The following NEGR1 variants were observed in gnomAD, a reference collection of about 807,000 sequenced individuals.
NEGR1 encodes IgLON family member 4.
NEGR1 carries 10 observed loss-of-function variants against 40.9 expected under a neutral mutation model. The observed-to-expected ratio is 0.24, with a 90% CI of 0.15 to 0.42. NEGR1 has a LOEUF of 0.42. NEGR1 is among the 10% of genes least tolerant of loss of function. The pLI is 1.00. For synonymous variants in NEGR1, 185 were observed against 166.8 expected (o/e 1.11, Z -0.84); for missense variants, 352 against 438.9 (o/e 0.80, Z 1.77).
intron 1 of NEGR1, among the ~76,000 whole-genome samples, chr1:71,971,692 T>C (rs996624490): frequency 6.6e-6 from 1 of 152,242 alleles, no homozygotes; most frequent in Admixed American, 6.5e-5. Context: ...CATGCCACAT[T>C]CCACAATATT....
intron 5 of NEGR1, among the ~76,000 whole-genome samples, chr1:71,609,921 G>T (rs554360326): frequency 7.9e-5 from 12 of 152,304 alleles, no homozygotes; most frequent in African/African-American, 2.9e-4. Flanking sequence ...GTGATAGTGA[G>T]TGAGTTCTCA....
chr1:71,776,882 T>C (rs544118255), intron 2 of NEGR1, among the ~76,000 whole-genome samples: 6 of 152,184 alleles, frequency 3.9e-5, no homozygotes, highest in Non-Finnish European at 7.4e-5. Context: ...CTATGAAAGG[T>C]GGATACAATA....
chr1:72,268,860 C>G (rs190657434), intron 1 of NEGR1, among the ~76,000 whole-genome samples: 1 of 150,916 alleles, frequency 6.6e-6, no homozygotes, highest in Non-Finnish European at 1.5e-5. Context: ...TTTAAGAACG[C>G]GAAGAAGGAG....
chr1:71,925,334 C>T (rs189977534), intron 2 of NEGR1, among the ~76,000 whole-genome samples: 60 of 152,350 alleles, frequency 3.9e-4, no homozygotes, highest in Non-Finnish European at 2.9e-4. Context: ...AGAAAACTGA[C>T]AACTTAGTGC....
chr1:71,529,947 C>A (rs1234741450), intron 6 of NEGR1, among the ~76,000 whole-genome samples: 3 of 151,062 alleles, frequency 2.0e-5, no homozygotes, highest in African/African-American at 7.3e-5. Context: ...TCTGACTTGT[C>A]AAGAATATAT....
At chr1:72,234,714 T>C (rs978809053) in intron 1 of NEGR1, among the ~76,000 whole-genome samples, 3 of 152,002 alleles carry the variant, frequency 2.0e-5, no homozygotes, top group African/African-American at 7.2e-5. Flanking sequence ...ATTAGAGAAA[T>C]GCAAACCAAA....
intron 1 of NEGR1, among the ~76,000 whole-genome samples, chr1:71,979,007 T>C (rs2801320): frequency 0.28 from 41,954 of 151,872 alleles, 6,195 homozygotes; most frequent in African/African-American, 0.38. Flanking sequence ...ATATACACTA[T>C]AAAATACTAA....
At chr1:72,076,418 A>C (rs1488519259) in intron 1 of NEGR1, among the ~76,000 whole-genome samples, 1 of 152,078 alleles carries the variant, frequency 6.6e-6, no homozygotes, top group Non-Finnish European at 1.5e-5. Context: ...AACTATGATA[A>C]ATACATTTCT....
chr1:71,811,593 A>G (rs1459760856), intron 2 of NEGR1, among the ~76,000 whole-genome samples: 1 of 150,920 alleles, frequency 6.6e-6, no homozygotes, highest in African/African-American at 2.4e-5. Context: ...TAATTTACTT[A>G]TAAGTAAGTA....
intron 4 of NEGR1, among the ~76,000 whole-genome samples, chr1:71,668,193 A>T (rs1652303389): frequency 6.6e-6 from 1 of 152,144 alleles, no homozygotes; most frequent in South Asian, 2.1e-4. Flanking sequence ...TCAGTTTATC[A>T]CAGAGGTTCA....
intron 2 of NEGR1, among the ~76,000 whole-genome samples, chr1:71,912,333 G>C (rs1661440979): frequency 6.6e-6 from 1 of 152,000 alleles, no homozygotes; most frequent in African/African-American, 2.4e-5. Flanking sequence ...ACTCTGATCT[G>C]TTTTTCTATA....
At chr1:72,126,826 C>A (rs1433691458) in intron 1 of NEGR1, among the ~76,000 whole-genome samples, 4 of 152,176 alleles carry the variant, frequency 2.6e-5, no homozygotes, top group Non-Finnish European at 4.4e-5. Context: ...TCCCAAAAGG[C>A]CCAGAGGATG....
At chr1:71,495,478 GAAAAA>G (rs59058061) in intron 6 of NEGR1, among the ~76,000 whole-genome samples, 3 of 135,992 alleles carry the variant, frequency 2.2e-5, no homozygotes, top group Non-Finnish European at 4.7e-5. Flanking sequence ...CTCCATCTCG[GAAAAA>G]AAAAAAAAAA....
chr1:72,205,615 T>C (rs1026759474), intron 1 of NEGR1, among the ~76,000 whole-genome samples: 1 of 149,362 alleles, frequency 6.7e-6, no homozygotes, highest in Non-Finnish European at 1.5e-5. Flanking sequence ...TAATTTTTGT[T>C]AACTAAAAAA....
chr1:71,609,502 A>G (rs1480300166), intron 5 of NEGR1, among the ~76,000 whole-genome samples: 5 of 129,692 alleles, frequency 3.9e-5, no homozygotes, highest in East Asian at 2.4e-4. Context: ...GCGACAAACC[A>G]AGACTCCGTC....
chr1:71,967,769 T>C (rs939668267), intron 1 of NEGR1, among the ~76,000 whole-genome samples: 1 of 152,170 alleles, frequency 6.6e-6, no homozygotes, highest in Non-Finnish European at 1.5e-5. Flanking sequence ...AGCACTACCT[T>C]TCTTCATAGA....
chr1:72,002,179 A>G (rs1164366682), intron 1 of NEGR1, among the ~76,000 whole-genome samples: 1 of 152,078 alleles, frequency 6.6e-6, no homozygotes, highest in African/African-American at 2.4e-5. Context: ...ACTTAAACTC[A>G]TTTCCTTCCT....
At chr1:71,998,744 A>T (rs1441940263) in intron 1 of NEGR1, among the ~76,000 whole-genome samples, 1 of 151,262 alleles carries the variant, frequency 6.6e-6, no homozygotes, top group Non-Finnish European at 1.5e-5. Flanking sequence ...TTTATACATA[A>T]GTATATAGTA....
intron 1 of NEGR1, among the ~76,000 whole-genome samples, chr1:72,091,204 T>A (rs1476849879): frequency 6.6e-6 from 1 of 152,186 alleles, no homozygotes; most frequent in African/African-American, 2.4e-5. Context: ...CTCTTCAGTG[T>A]TTGAAATGAT....
Sources: allele counts gnomAD v4.1 joint callset (sites outside exome capture counted in the v4.1 genomes callset), GRCh38; gene constraint gnomAD v4.1.1; transcripts MANE v1.5; gene names NCBI Gene and HGNC (gene_info 2026-07-23, HGNC 2026-07-21).